Variants in NOS1AP observed in about 807,000 individuals in gnomAD.
The protein encoded by NOS1AP is nitric oxide synthase 1 adaptor protein.
A neutral mutation model predicts 56.2 loss-of-function variants in NOS1AP; 21 were observed. The observed-to-expected ratio is 0.37, with a 90% CI of 0.26 to 0.54. The LOEUF is 0.54. NOS1AP is among the 20% of genes least tolerant of loss of function. NOS1AP has a pLI of 0.84. For missense variants in NOS1AP, 522 were observed against 657.8 expected, an observed-to-expected ratio of 0.79 and a Z score of 2.26; for synonymous variants, 270 against 274.6, an observed-to-expected ratio of 0.98 and a Z score of 0.17.
intron 2 of NOS1AP, among the ~76,000 whole-genome samples, chr1:162,273,492 G>T (rs1654649386): frequency 6.6e-6 from 1 of 152,112 alleles, no homozygotes. Flanking sequence ...CCTGGGAACA[G>T]TTAGTTCAGA....
At chr1:162,132,095 C>G (rs1648775881) in intron 1 of NOS1AP, among the ~76,000 whole-genome samples, 1 of 152,144 alleles carries the variant, frequency 6.6e-6, no homozygotes, top group Admixed American at 6.5e-5. Flanking sequence ...ATTCCTAGGC[C>G]TGCCTGGAAG....
intron 4 of NOS1AP, among the ~76,000 whole-genome samples, chr1:162,318,229 A>G (rs1195763258): frequency 2.0e-5 from 3 of 152,218 alleles, no homozygotes; most frequent in Admixed American, 6.5e-5. Context: ...AAAAGAAAAG[A>G]TGACCCTCAA....
intron 2 of NOS1AP, among the ~76,000 whole-genome samples, chr1:162,224,651 G>A (rs559234192): frequency 1.3e-5 from 2 of 152,256 alleles, no homozygotes; most frequent in African/African-American, 2.4e-5. Flanking sequence ...GTGAAAAATT[G>A]TACTGAACAA....
At chr1:162,277,523 G>A (rs943508283) in intron 2 of NOS1AP, among the ~76,000 whole-genome samples, 6 of 152,162 alleles carry the variant, frequency 3.9e-5, no homozygotes, top group Non-Finnish European at 7.3e-5. Flanking sequence ...ATGGATGAAT[G>A]CAAGCACAGG....
intron 2 of NOS1AP, among the ~76,000 whole-genome samples, chr1:162,170,425 G>C (rs1650710276): frequency 6.6e-6 from 1 of 152,128 alleles, no homozygotes; most frequent in Admixed American, 6.5e-5. Context: ...GGTCCACCTG[G>C]GCCTTCTGAA....
At chr1:162,199,344 T>C (rs4098276) in intron 2 of NOS1AP, among the ~76,000 whole-genome samples, 24,043 of 152,236 alleles carry the variant, frequency 0.16, 2,107 homozygotes, top group South Asian at 0.23. Flanking sequence ...GTCCTCACTG[T>C]TGTTTTATTT....
At chr1:162,081,465 GCT>G (rs1218053474) in intron 1 of NOS1AP, among the ~76,000 whole-genome samples, 2 of 151,842 alleles carry the variant, frequency 1.3e-5, no homozygotes, top group Non-Finnish European at 2.9e-5. Flanking sequence ...TCTTGGCTGG[GCT>G]CTTGCCTGTG....
chr1:162,096,901 T>C (rs1051480490), intron 1 of NOS1AP, among the ~76,000 whole-genome samples: 5 of 152,202 alleles, frequency 3.3e-5, no homozygotes, highest in African/African-American at 1.2e-4. Flanking sequence ...CTTGTATAAA[T>C]CTCCAAGTCT....
chr1:162,231,480 A>T (rs1653122412), intron 2 of NOS1AP, among the ~76,000 whole-genome samples: 1 of 152,170 alleles, frequency 6.6e-6, no homozygotes, highest in Admixed American at 6.5e-5. Flanking sequence ...TTACATTTTA[A>T]TGCAGTCCAA....
At chr1:162,306,143 A>T (rs942255699) in intron 4 of NOS1AP, among the ~76,000 whole-genome samples, 2 of 152,194 alleles carry the variant, frequency 1.3e-5, no homozygotes, top group African/African-American at 4.8e-5. Context: ...GGTGTGGGTT[A>T]TGAGTCAGAA....
chr1:162,138,811 T>C (rs1649112069), intron 1 of NOS1AP, among the ~76,000 whole-genome samples: 1 of 152,178 alleles, frequency 6.6e-6, no homozygotes, highest in African/African-American at 2.4e-5. Flanking sequence ...ACTGTCTTGC[T>C]AGTGAAACCA....
At chr1:162,135,489 A>G (rs1184068536) in intron 1 of NOS1AP, among the ~76,000 whole-genome samples, 1 of 152,162 alleles carries the variant, frequency 6.6e-6, no homozygotes, top group Admixed American at 6.5e-5. Context: ...TGTGGATATA[A>G]TCTTGATGGG....
At chr1:162,147,627 T>G (rs964153615) in intron 1 of NOS1AP, among the ~76,000 whole-genome samples, 2 of 152,186 alleles carry the variant, frequency 1.3e-5, no homozygotes, top group African/African-American at 4.8e-5. Flanking sequence ...TTATGAAATA[T>G]TAACTTAGTA....
intron 8 of NOS1AP, chr1:162,361,064 C>A (rs1214468419): frequency 5.3e-6 from 2 of 374,138 alleles, no homozygotes; most frequent in African/African-American, 4.2e-5. Flanking sequence ...GGCCAGAGTG[C>A]AGAGCTGGAC....
chr1:162,159,038 G>T (rs1360465571), intron 2 of NOS1AP, among the ~76,000 whole-genome samples: 1 of 152,218 alleles, frequency 6.6e-6, no homozygotes. Context: ...CTTGGAGGTT[G>T]CTGGTTGAAG....
intron 1 of NOS1AP, among the ~76,000 whole-genome samples, chr1:162,108,832 T>C (rs1647608147): frequency 6.6e-6 from 1 of 152,134 alleles, no homozygotes; most frequent in Non-Finnish European, 1.5e-5. Flanking sequence ...GTTTCAATAG[T>C]TGCCAATAGA....
Position 162,240,295 on chromosome 1 carries a change from C to T in NOS1AP, c.178-47049C>T, listed in dbSNP as rs553934337. Among the ~76,000 whole-genome samples, 340 of 134,184 alleles carry T rather than the reference C, an allele frequency of 2.5e-3. 1 individual carries two copies. Among genetic ancestry groups the T allele is most frequent in the African/African-American group, 0.011 (323 of 28,762 alleles). 88.0% of individuals were successfully genotyped at this position (134,184 alleles called of 152,430 possible). A position where few individuals can be genotyped will look rare whatever the true frequency, so the allele number is the denominator to read the frequency against. On this transcript the variant is annotated intron_variant, in intron 2 of 9. Transcript: ENST00000361897. ...TGTGTGTGTGTGTGTTGAGGCATGC[C>T]TGCTCACCTGGCACGTGGATTGGGA...
intron 1 of NOS1AP, among the ~76,000 whole-genome samples, chr1:162,106,763 C>A (rs945706): frequency 0.62 from 94,768 of 152,008 alleles, 29,893 homozygotes; most frequent in Non-Finnish European, 0.67. Flanking sequence ...AGGGGGAAAT[C>A]GATACGTACA....
At chr1:162,357,951 T>C (rs1274486582) in intron 8 of NOS1AP, among the ~76,000 whole-genome samples, 3 of 148,544 alleles carry the variant, frequency 2.0e-5, no homozygotes, top group East Asian at 1.9e-4. Flanking sequence ...CATTCATTCA[T>C]ACCCAAGGCT....
Sources: gnomAD v4.1 joint callset for allele counts (sites outside exome capture counted in the v4.1 genomes callset) on GRCh38, gnomAD v4.1.1 for gene constraint, MANE v1.5 for transcripts, NCBI Gene and HGNC (gene_info 2026-07-23, HGNC 2026-07-21) for gene names.